The following TAFA1 variants were observed in gnomAD, a reference collection of about 807,000 sequenced individuals.
The protein encoded by TAFA1 is chemokine-like protein TAFA-1.
TAFA1 carries 4 observed loss-of-function variants against 18.5 expected under a neutral mutation model. The observed-to-expected ratio is 0.22, with a 90% CI of 0.11 to 0.49. TAFA1 has a LOEUF of 0.49. Ranked by LOEUF, TAFA1 falls within the 20% of genes least tolerant of loss-of-function variation. The pLI, the probability that TAFA1 is intolerant of heterozygous loss-of-function variation, is 0.98. For missense variants in TAFA1, 147 were observed against 169.0 expected (o/e 0.87, Z 0.72); for synonymous variants, 56 against 55.2 (o/e 1.01, Z -0.06).
chr3:68,089,157 G>A (rs146052612), intron 2 of TAFA1, among the ~76,000 whole-genome samples: 1,684 of 152,228 alleles, frequency 0.011, 36 homozygotes, highest in African/African-American at 0.039. Context: ...GGATATGTGA[G>A]CCTGAAACTC....
chr3:68,407,009 G>T (rs1329466188), intron 2 of TAFA1, among the ~76,000 whole-genome samples: 3 of 152,146 alleles, frequency 2.0e-5, no homozygotes, highest in Non-Finnish European at 4.4e-5. Context: ...GTGGGTGGGT[G>T]TTGAGTTGAT....
intron 2 of TAFA1, among the ~76,000 whole-genome samples, chr3:68,200,758 G>A (rs956109583): frequency 8.6e-5 from 13 of 151,026 alleles, no homozygotes; most frequent in Admixed American, 1.3e-4. Context: ...TTTAAAATTA[G>A]CCTGGCTAGA....
chr3:68,543,666 T>C (rs113131007), intron 4 of TAFA1, among the ~76,000 whole-genome samples: 5 of 152,114 alleles, frequency 3.3e-5, no homozygotes, highest in African/African-American at 1.2e-4. Context: ...AAGTAAGAGA[T>C]AATAAAGAAA....
intron 2 of TAFA1, among the ~76,000 whole-genome samples, chr3:68,295,859 C>G (rs925931166): frequency 2.4e-4 from 36 of 152,140 alleles, no homozygotes; most frequent in Non-Finnish European, 4.0e-4. Flanking sequence ...ATCCTCTCTC[C>G]TTGGCCTCCT....
At chr3:68,478,067 A>T (rs1483474253) in intron 3 of TAFA1, among the ~76,000 whole-genome samples, 1 of 152,190 alleles carries the variant, frequency 6.6e-6, no homozygotes, top group Non-Finnish European at 1.5e-5. Context: ...AGCAAAAAGG[A>T]CTATCAGAGA....
intron 2 of TAFA1, among the ~76,000 whole-genome samples, chr3:68,052,701 A>G (rs957841632): frequency 1.3e-5 from 2 of 152,178 alleles, no homozygotes; most frequent in African/African-American, 4.8e-5. Flanking sequence ...TGTTTCCATT[A>G]TGTGCCTGGC....
intron 2 of TAFA1, among the ~76,000 whole-genome samples, chr3:68,306,636 C>T (rs564267514): frequency 2.0e-5 from 3 of 152,160 alleles, no homozygotes; most frequent in South Asian, 2.1e-4. Flanking sequence ...TCTGGATCTC[C>T]GAGGAGCTAA....
At chr3:68,371,213 T>C (rs528287939) in intron 2 of TAFA1, among the ~76,000 whole-genome samples, 7 of 152,326 alleles carry the variant, frequency 4.6e-5, no homozygotes, top group Admixed American at 4.6e-4. Flanking sequence ...TATTTCTTTT[T>C]TTCATTTTTA....
intron 2 of TAFA1, among the ~76,000 whole-genome samples, chr3:68,141,940 G>A (rs552108032): frequency 6.6e-6 from 1 of 152,272 alleles, no homozygotes; most frequent in African/African-American, 2.4e-5. Flanking sequence ...CCCATTCTAA[G>A]ATGTTCTCCC....
intron 2 of TAFA1, among the ~76,000 whole-genome samples, chr3:68,183,116 C>T (rs989184046): frequency 1.3e-5 from 2 of 152,126 alleles, no homozygotes; most frequent in African/African-American, 4.8e-5. Context: ...ATACCTGCCC[C>T]ATCGCTTTGG....
chr3:68,051,668 T>A (rs556926341), intron 2 of TAFA1, among the ~76,000 whole-genome samples: 1 of 152,294 alleles, frequency 6.6e-6, no homozygotes, highest in Admixed American at 6.5e-5. Flanking sequence ...CTCTAATATA[T>A]GGCACTGTTT....
At chr3:68,083,518 G>A (rs1446025910) in intron 2 of TAFA1, among the ~76,000 whole-genome samples, 2 of 152,170 alleles carry the variant, frequency 1.3e-5, no homozygotes, top group Non-Finnish European at 2.9e-5. Context: ...CTCATTTAGT[G>A]GCATGGAACA....
intron 3 of TAFA1, among the ~76,000 whole-genome samples, chr3:68,420,311 G>A (rs547699770): frequency 1.3e-5 from 2 of 152,238 alleles, no homozygotes; most frequent in African/African-American, 4.8e-5. Context: ...CCCAGGTGGT[G>A]TGCCATGGCA....
chr3:68,143,202 T>A (rs2065692251), intron 2 of TAFA1, among the ~76,000 whole-genome samples: 1 of 152,214 alleles, frequency 6.6e-6, no homozygotes, highest in Non-Finnish European at 1.5e-5. Context: ...TATGTGCTAT[T>A]CCCTGTGGTA....
At chr3:68,227,220 G>A (rs370789457) in intron 2 of TAFA1, among the ~76,000 whole-genome samples, 24 of 152,108 alleles carry the variant, frequency 1.6e-4, no homozygotes, top group African/African-American at 2.2e-4. Context: ...TGTATTTCTC[G>A]AATGTGGATT....
At chr3:68,177,721 C>T (rs2066142959) in intron 2 of TAFA1, among the ~76,000 whole-genome samples, 1 of 152,190 alleles carries the variant, frequency 6.6e-6, no homozygotes, top group African/African-American at 2.4e-5. Flanking sequence ...AGTTCAAATG[C>T]TCTTCCTACT....
chr3:68,400,758 T>C (rs1337776490), intron 2 of TAFA1, among the ~76,000 whole-genome samples: 1 of 152,182 alleles, frequency 6.6e-6, no homozygotes, highest in Non-Finnish European at 1.5e-5. Context: ...AATTCCTAAC[T>C]ACACACTTGA....
At chr3:68,349,826 A>G (rs2069233161) in intron 2 of TAFA1, among the ~76,000 whole-genome samples, 1 of 152,108 alleles carries the variant, frequency 6.6e-6, no homozygotes, top group Admixed American at 6.6e-5. Flanking sequence ...CACCTTCCCT[A>G]GTGGGGATGC....
Position 68,512,748 on chromosome 3 carries a change from C to T in TAFA1, c.260-26008C>T, listed in dbSNP as rs143636166. Among the ~76,000 whole-genome samples, 29 of 151,750 alleles carry T rather than the reference C, an allele frequency of 1.9e-4. No individual in the cohort carries two copies. The East Asian group carries it at 4.8e-3, about 25-fold the overall frequency. ...TTTAATGTCCAGGACCTTATAACTACTAAGTGACTAAAAGTAGGATTTAAG... is the reference window on the plus strand; with the variant it reads ...TTTAATGTCCAGGACCTTATAACTATTAAGTGACTAAAAGTAGGATTTAAG... On this transcript the variant is annotated intron_variant, in intron 3 of 4. Coordinates refer to ENST00000478136, the MANE Select transcript of TAFA1 (RefSeq NM_213609.4).
Sources: allele counts gnomAD v4.1 joint callset (sites outside exome capture counted in the v4.1 genomes callset), GRCh38; gene constraint gnomAD v4.1.1; transcripts MANE v1.5; gene names NCBI Gene and HGNC (gene_info 2026-07-23, HGNC 2026-07-21).